EXOC4: variants seen among roughly 807,000 people sequenced by gnomAD.
EXOC4 encodes the protein exocyst complex component 4.
EXOC4 carries 71 observed loss-of-function variants against 107.2 expected under a neutral mutation model. The ratio of observed to expected loss-of-function variants is 0.66; its 90% CI spans 0.55 to 0.81. The LOEUF (loss-of-function observed/expected upper bound fraction) is 0.81. Ranked by LOEUF, EXOC4 falls within the 30% of genes least tolerant of loss-of-function variation. The pLI is 0.00. For missense variants in EXOC4, 1,108 were observed against 1,189.6 expected (o/e 0.93, Z 1.01); for synonymous variants, 456 against 441.2 (o/e 1.03, Z -0.42).
At chr7:133,537,410 C>T (rs578071993) in intron 9 of EXOC4, among the ~76,000 whole-genome samples, 16 of 152,070 alleles carry the variant, frequency 1.1e-4, no homozygotes, top group African/African-American at 3.4e-4. Flanking sequence ...CTGCCTGCCT[C>T]GGCCTCCCAA....
chr7:133,516,455 G>T (rs531746646), intron 9 of EXOC4, among the ~76,000 whole-genome samples: 10 of 152,200 alleles, frequency 6.6e-5, no homozygotes, highest in Non-Finnish European at 1.3e-4. Flanking sequence ...ATAAGATGTG[G>T]TCTTTCGTGA....
chr7:133,327,311 G>A (rs1332327623), intron 5 of EXOC4, among the ~76,000 whole-genome samples: 1 of 152,154 alleles, frequency 6.6e-6, no homozygotes, highest in African/African-American at 2.4e-5. Context: ...TCATGCTGTG[G>A]GCTGTAGACT....
chr7:133,773,578 C>A (rs536150697), intron 10 of EXOC4, among the ~76,000 whole-genome samples: 2 of 151,948 alleles, frequency 1.3e-5, no homozygotes, highest in Admixed American at 6.6e-5. Context: ...ATACCATACC[C>A]AAAATATGCT....
At chr7:133,736,047 C>T (rs982664265) in intron 10 of EXOC4, among the ~76,000 whole-genome samples, 7 of 151,748 alleles carry the variant, frequency 4.6e-5, no homozygotes, top group African/African-American at 7.3e-5. Context: ...CTGCATCGCA[C>T]GACTACACTC....
chr7:133,422,053 T>A (rs1797619457), intron 7 of EXOC4, among the ~76,000 whole-genome samples: 2 of 152,316 alleles, frequency 1.3e-5, no homozygotes, highest in South Asian at 4.1e-4. Context: ...GTAACCTGAT[T>A]GAAGGTGATT....
intron 6 of EXOC4, among the ~76,000 whole-genome samples, chr7:133,362,944 G>A (rs1434642069): frequency 2.6e-5 from 4 of 152,166 alleles, no homozygotes; most frequent in East Asian, 1.9e-4. Context: ...GCAAGGTCAG[G>A]CATTTTCCTT....
Position 134,003,847 on chromosome 7 carries a change from A to G in EXOC4, c.2349-1065A>G, listed in dbSNP as rs543180227. Among the ~76,000 whole-genome samples, 6 of 152,240 alleles carry G rather than the reference A, an allele frequency of 3.9e-5. No individual in the cohort carries two copies. The South Asian group carries it at 1.2e-3, about 32-fold the overall frequency. On this transcript the variant is annotated intron_variant, in intron 15 of 17. Coordinates refer to ENST00000253861, the MANE Select transcript of EXOC4 (RefSeq NM_021807.4). ...GATTACAACTTTAAAAGGCTGTGGCAGTGCAGCCAATCCATACCCACCTCA... is the reference window on the plus strand; with the variant it reads ...GATTACAACTTTAAAAGGCTGTGGCGGTGCAGCCAATCCATACCCACCTCA...
intron 6 of EXOC4, among the ~76,000 whole-genome samples, chr7:133,371,384 C>G (rs1796373279): frequency 6.6e-6 from 1 of 152,146 alleles, no homozygotes; most frequent in Non-Finnish European, 1.5e-5. Flanking sequence ...ATCCCGTATA[C>G]TTATCAGTCA....
At chr7:133,582,795 C>T (rs543414534) in intron 9 of EXOC4, among the ~76,000 whole-genome samples, 1 of 152,150 alleles carries the variant, frequency 6.6e-6, no homozygotes, top group South Asian at 2.1e-4. Context: ...GTTTCTCAAG[C>T]AATCAGAAAT....
intron 6 of EXOC4, among the ~76,000 whole-genome samples, chr7:133,371,327 C>T (rs910035435): frequency 1.8e-4 from 27 of 152,082 alleles, no homozygotes; most frequent in Admixed American, 4.6e-4. Flanking sequence ...GTTTTGCACC[C>T]GTCACCACTA....
intron 7 of EXOC4, among the ~76,000 whole-genome samples, chr7:133,400,334 C>G (rs924297445): frequency 3.9e-5 from 6 of 152,192 alleles, no homozygotes; most frequent in Admixed American, 3.9e-4. Context: ...AGATATTTAT[C>G]AGTTGCCTAC....
intron 9 of EXOC4, among the ~76,000 whole-genome samples, chr7:133,612,635 C>G (rs529386609): frequency 6.6e-6 from 1 of 152,244 alleles, no homozygotes; most frequent in East Asian, 1.9e-4. Context: ...GTATGACAGT[C>G]CACCTACAGG....
intron 17 of EXOC4, among the ~76,000 whole-genome samples, chr7:134,047,382 T>C (rs1443677552): frequency 4.6e-5 from 7 of 152,134 alleles, no homozygotes; most frequent in African/African-American, 9.7e-5. Flanking sequence ...AGTATTAGTC[T>C]TTTTGTATGG....
At chr7:133,832,612 T>C (rs1299787081) in intron 11 of EXOC4, among the ~76,000 whole-genome samples, 1 of 152,246 alleles carries the variant, frequency 6.6e-6, no homozygotes, top group Non-Finnish European at 1.5e-5. Flanking sequence ...GATTCATTCA[T>C]GGCTTTTCAC....
intron 13 of EXOC4, among the ~76,000 whole-genome samples, chr7:133,921,942 A>T (rs1321501226): frequency 6.6e-6 from 1 of 151,754 alleles, no homozygotes; most frequent in East Asian, 1.9e-4. Flanking sequence ...CAGTTTTGAA[A>T]GTTTCTATTG....
intron 5 of EXOC4, among the ~76,000 whole-genome samples, 165 bp downstream of exon 5, chr7:133,317,555 A>T (rs1042266122): frequency 6.6e-6 from 1 of 152,192 alleles, no homozygotes; most frequent in African/African-American, 2.4e-5. Context: ...TTCAGAGCAA[A>T]TAAGATGTAC....
intron 7 of EXOC4, among the ~76,000 whole-genome samples, chr7:133,380,865 A>G (rs759210866): frequency 6.6e-6 from 1 of 152,214 alleles, no homozygotes; most frequent in Non-Finnish European, 1.5e-5. Context: ...GAGGTCTGAC[A>G]TAGAAATAAC....
chr7:134,063,883 TTTTAC>T, intron 17 of EXOC4, among the ~76,000 whole-genome samples: 1 of 152,298 alleles, frequency 6.6e-6, no homozygotes, highest in East Asian at 1.9e-4. Context: ...ATGTACAGTA[TTTTAC>T]AAAACCTCCA....
chr7:133,619,434 A>G (rs17167175), intron 9 of EXOC4, among the ~76,000 whole-genome samples: 20,542 of 152,224 alleles, frequency 0.13, 1,522 homozygotes, highest in East Asian at 0.25. Context: ...CCAGTGGCCT[A>G]AGCTCTTTTG....
Sources: gnomAD v4.1 joint callset for allele counts (sites outside exome capture counted in the v4.1 genomes callset) on GRCh38, gnomAD v4.1.1 for gene constraint, MANE v1.5 for transcripts, NCBI Gene and HGNC (gene_info 2026-07-23, HGNC 2026-07-21) for gene names.